Variants in ATG10 observed in about 807,000 individuals in gnomAD.
ATG10 encodes autophagy related 10, also known as ubiquitin-like-conjugating enzyme ATG10.
ATG10 carries 30 observed loss-of-function variants against 32.1 expected under a neutral mutation model. The ratio of observed to expected loss-of-function variants is 0.94; its 90% confidence interval spans 0.70 to 1.27. The LOEUF is 1.27. Among genes scored for constraint, ATG10 ranks in the 50% most tolerant of loss-of-function variants. The pLI is 0.00. For missense variants in ATG10, 233 were observed against 262.3 expected, an observed-to-expected ratio of 0.89 and a Z score of 0.77; for synonymous variants, 87 against 91.5, an observed-to-expected ratio of 0.95 and a Z score of 0.28.
chr5:82,084,890 A>G (rs1764615115), intron 3 of ATG10, among the ~76,000 whole-genome samples: 1 of 152,220 alleles, frequency 6.6e-6, no homozygotes, highest in African/African-American at 2.4e-5. Context: ...CCAAATTGTA[A>G]AGACCATCAA....
intron 3 of ATG10, among the ~76,000 whole-genome samples, chr5:82,156,644 A>G (rs1416839664): frequency 6.6e-6 from 1 of 152,202 alleles, no homozygotes; most frequent in African/African-American, 2.4e-5. Flanking sequence ...CTTATGTCAC[A>G]TGTAAAGGGT....
At chr5:82,217,656 T>A (rs1342565432) in intron 5 of ATG10, among the ~76,000 whole-genome samples, 1 of 151,894 alleles carries the variant, frequency 6.6e-6, no homozygotes, top group African/African-American at 2.4e-5. Flanking sequence ...GGCAACATGC[T>A]TTACATGCAT....
intron 5 of ATG10, among the ~76,000 whole-genome samples, chr5:82,199,599 T>C (rs1744987585): frequency 6.6e-6 from 1 of 152,230 alleles, no homozygotes. Flanking sequence ...TAAATCTTTC[T>C]CTACCTTTTA....
chr5:82,031,350 T>A (rs1401319450), intron 2 of ATG10, among the ~76,000 whole-genome samples: 3 of 152,036 alleles, frequency 2.0e-5, no homozygotes, highest in African/African-American at 7.2e-5. Context: ...TAAAAAAAAA[T>A]GTGTTGCTAG....
intron 3 of ATG10, among the ~76,000 whole-genome samples, chr5:82,131,405 G>T (rs1021947944): frequency 1.3e-5 from 2 of 152,166 alleles, no homozygotes; most frequent in Admixed American, 1.3e-4. Context: ...ACATGGCAGA[G>T]GTTGAAGTGT....
intron 4 of ATG10, among the ~76,000 whole-genome samples, chr5:82,176,336 C>T (rs922519091): frequency 3.3e-5 from 5 of 152,088 alleles, no homozygotes; most frequent in East Asian, 3.9e-4. Flanking sequence ...AGTCATGAAC[C>T]GGCTGCATAC....
chr5:82,138,550 A>C (rs1766868685), intron 3 of ATG10, among the ~76,000 whole-genome samples: 1 of 151,816 alleles, frequency 6.6e-6, no homozygotes, highest in African/African-American at 2.4e-5. Flanking sequence ...TGTGGGCTGC[A>C]CCCACTCTCT....
intron 1 of ATG10, among the ~76,000 whole-genome samples, chr5:81,977,033 G>A (rs1157349936): frequency 1.3e-5 from 2 of 151,984 alleles, no homozygotes. Context: ...GCACCACTAT[G>A]CCAGGCTAAT....
chr5:82,144,767 G>A (rs1012211726), intron 3 of ATG10, among the ~76,000 whole-genome samples: 1 of 151,956 alleles, frequency 6.6e-6, no homozygotes, highest in East Asian at 1.9e-4. Context: ...TACTTGAAAA[G>A]AATTAATATT....
intron 3 of ATG10, among the ~76,000 whole-genome samples, chr5:82,062,782 G>A (rs78708194): frequency 0.03 from 4,578 of 152,190 alleles, 99 homozygotes; most frequent in Middle Eastern, 0.051. Context: ...ATCTCAGAGA[G>A]TGGTACAGAG....
intron 5 of ATG10, among the ~76,000 whole-genome samples, chr5:82,246,368 G>T (rs1372825932): frequency 6.6e-6 from 1 of 151,800 alleles, no homozygotes; most frequent in East Asian, 1.9e-4. Context: ...ACCATGCTCG[G>T]CCAATCTGAC....
At chr5:82,014,731 G>T (rs188534478) in intron 2 of ATG10, among the ~76,000 whole-genome samples, 2 of 152,074 alleles carry the variant, frequency 1.3e-5, no homozygotes, top group African/African-American at 2.4e-5. Flanking sequence ...GTCTCTGCAC[G>T]TGAGATGGGT....
At chr5:82,059,616 A>G (rs1352222052) in intron 3 of ATG10, among the ~76,000 whole-genome samples, 1 of 151,478 alleles carries the variant, frequency 6.6e-6, no homozygotes, top group Non-Finnish European at 1.5e-5. Context: ...AGAAATCACT[A>G]GTGTTTGAAT....
At chr5:82,188,808 CT>C (rs966127067) in intron 5 of ATG10, among the ~76,000 whole-genome samples, 34 of 148,826 alleles carry the variant, frequency 2.3e-4, no homozygotes, top group Non-Finnish European at 3.1e-4. Flanking sequence ...TTTGTTTTAT[CT>C]TTTTTTTTTG....
chr5:82,243,389 A>G (rs747307725), intron 5 of ATG10, among the ~76,000 whole-genome samples: 3 of 152,086 alleles, frequency 2.0e-5, no homozygotes, highest in Non-Finnish European at 4.4e-5. Flanking sequence ...TATGAGACAG[A>G]TTGTAAAGGT....
chr5:82,004,636 AGCAAC>A (rs1303053531), intron 2 of ATG10, among the ~76,000 whole-genome samples: 1 of 152,196 alleles, frequency 6.6e-6, no homozygotes, highest in East Asian at 1.9e-4. Context: ...CTATCCAGGC[AGCAAC>A]CAGTAAGTGG....
chr5:82,245,764 G>T (rs1040188585), intron 5 of ATG10, among the ~76,000 whole-genome samples: 4 of 152,062 alleles, frequency 2.6e-5, no homozygotes, highest in African/African-American at 4.8e-5. Context: ...TTAGAAACAA[G>T]GATTTATTTA....
At chr5:82,205,102 GTT>G (rs1290878017) in intron 5 of ATG10, among the ~76,000 whole-genome samples, 1 of 152,166 alleles carries the variant, frequency 6.6e-6, no homozygotes, top group African/African-American at 2.4e-5. Flanking sequence ...CATGTTTTTT[GTT>G]TGTTTGTTTG....
chr5:81,995,314 A>G (rs535992125), intron 2 of ATG10, among the ~76,000 whole-genome samples: 1 of 151,436 alleles, frequency 6.6e-6, no homozygotes, highest in Non-Finnish European at 1.5e-5. Context: ...CATTATTATT[A>G]TTTTTTTTGG....
Sources: allele counts gnomAD v4.1 joint callset (sites outside exome capture counted in the v4.1 genomes callset), GRCh38; gene constraint gnomAD v4.1.1; transcripts MANE v1.5; gene names NCBI Gene and HGNC (gene_info 2026-07-23, HGNC 2026-07-21).